The following USP43 variants were observed in gnomAD, a reference collection of about 807,000 sequenced individuals.
USP43 encodes ubiquitin carboxyl-terminal hydrolase 43.
In USP43, 33 loss-of-function variants were observed where a neutral mutation model predicts 90.7. The observed-to-expected ratio is 0.36, with a 90% confidence interval of 0.28 to 0.49. The LOEUF (loss-of-function observed/expected upper bound fraction) is 0.49. USP43 is among the 20% of genes least tolerant of loss of function. The probability of loss-of-function intolerance (pLI) is 0.98; values close to 1 mark genes in which losing one functional copy is unlikely to be tolerated. For synonymous variants in USP43, 598 were observed against 615.8 expected (o/e 0.97, Z 0.43); for missense variants, 1,274 against 1,476.4 (o/e 0.86, Z 2.25).
chr17:9,665,613 T>A (rs111369831), intron 2 of USP43, among the ~76,000 whole-genome samples: 362 of 152,258 alleles, frequency 2.4e-3, no homozygotes, highest in African/African-American at 8.2e-3. Flanking sequence ...CAATTGAAGA[T>A]GAGATTTGGG....
intron 14 of USP43, among the ~76,000 whole-genome samples, chr17:9,721,826 T>C (rs57343172): frequency 0.05 from 7,467 of 149,682 alleles, 298 homozygotes; most frequent in East Asian, 0.21. Context: ...CAGGTTCAAG[T>C]GATTGTCCTG....
chr17:9,671,042 G>A (rs564687266), intron 3 of USP43, among the ~76,000 whole-genome samples: 1 of 152,322 alleles, frequency 6.6e-6, no homozygotes, highest in Admixed American at 6.5e-5. Flanking sequence ...GTAATTGAGA[G>A]ATGGATGTTA....
chr17:9,657,209 A>G (rs1912319333), intron 2 of USP43, among the ~76,000 whole-genome samples: 1 of 152,188 alleles, frequency 6.6e-6, no homozygotes, highest in East Asian at 1.9e-4. Context: ...TCACACTGCT[A>G]TAAAGAAATA....
At chr17:9,688,071 C>T (rs947801771) in intron 8 of USP43, among the ~76,000 whole-genome samples, 1 of 151,944 alleles carries the variant, frequency 6.6e-6, no homozygotes, top group East Asian at 1.9e-4. Flanking sequence ...CTGCAAGCTC[C>T]GCCTCCCGGG....
intron 2 of USP43, among the ~76,000 whole-genome samples, chr17:9,658,841 T>A (rs1008353864): frequency 2.0e-5 from 3 of 152,194 alleles, no homozygotes; most frequent in African/African-American, 7.2e-5. Context: ...CTCTATCCCT[T>A]GTCTCTGGCT....
Position 9,725,699 on chromosome 17 carries a change from G to A in USP43, c.2336-2255G>A, listed in dbSNP as rs575514955. Among the ~76,000 whole-genome samples the A allele has an allele frequency of 7.2e-4, 109 of 152,290 alleles. 1 individual carries two copies. Among genetic ancestry groups the A allele is most frequent in the Non-Finnish European group, 8.8e-5 (6 of 68,024 alleles). Reference sequence around the variant, plus strand: ...GGTTCCCATGAAATGTAGCTCAGGCGTTGATGTCAGCCCTGGCCTCAGAGA... The same window carrying A: ...GGTTCCCATGAAATGTAGCTCAGGCATTGATGTCAGCCCTGGCCTCAGAGA... On this transcript the variant is annotated intron_variant, in intron 14 of 14. Transcript: ENST00000285199.
chr17:9,654,318 G>A (rs1912079088), intron 1 of USP43, among the ~76,000 whole-genome samples: 1 of 152,170 alleles, frequency 6.6e-6, no homozygotes, highest in South Asian at 2.1e-4. Flanking sequence ...ACTAAATCTG[G>A]TAGCCCTACT....
intron 14 of USP43, among the ~76,000 whole-genome samples, chr17:9,721,767 A>G (rs938250846): frequency 4.4e-5 from 6 of 135,078 alleles, no homozygotes; most frequent in Non-Finnish European, 9.2e-5. Flanking sequence ...CTTGTTGCCC[A>G]GGCTGGAGTG....
chr17:9,666,714 C>A lies in USP43; in HGVS notation c.703C>A (p.Gln235Lys). 1 of 1,613,286 alleles carries A rather than the reference C, an allele frequency of 6.2e-7. No homozygotes were observed. Among genetic ancestry groups the A allele is most frequent in the South Asian group, 1.1e-5 (1 of 90,826 alleles). ...LSPSAQLPLG[Q>K]SFVQSHFQAQ... is the part of the protein sequence containing the mutation. ...ACCATCAGCTCAGCTTCCTCTAGGT[C>A]AAAGCTTTGTGCAAAGCCACTTTCA... is the stretch of plus-strand genomic sequence containing the variant. The change falls in exon 3 of 15, where the codon CAA (glutamine) becomes AAA (lysine). Residue 235 changes from glutamine to lysine, a missense_variant. Physicochemically the swap from Gln to Lys is moderately conservative, Grantham distance 53. Coordinates refer to ENST00000285199, the MANE Select transcript of USP43 (RefSeq NM_153210.5).
intron 5 of USP43, among the ~76,000 whole-genome samples, chr17:9,679,007 ATAT>A (rs1913981252): frequency 6.6e-6 from 1 of 152,020 alleles, no homozygotes; most frequent in African/African-American, 2.4e-5. Flanking sequence ...TTTGATTTAG[ATAT>A]TATTGTCCAG....
chr17:9,687,809 A>C (rs1176697457), intron 8 of USP43, among the ~76,000 whole-genome samples: 1 of 152,194 alleles, frequency 6.6e-6, no homozygotes, highest in Non-Finnish European at 1.5e-5. Context: ...CCTTCACTAC[A>C]TTTGTCCCAA....
At chr17:9,687,197 A>G (rs776004363) in intron 8 of USP43, among the ~76,000 whole-genome samples, 1 of 152,212 alleles carries the variant, frequency 6.6e-6, no homozygotes, top group Non-Finnish European at 1.5e-5. Flanking sequence ...TGGCATTTAC[A>G]TTAAAACGAA....
intron 9 of USP43, among the ~76,000 whole-genome samples, chr17:9,695,714 C>A (rs759145247): frequency 1.3e-5 from 2 of 152,168 alleles, no homozygotes; most frequent in Non-Finnish European, 2.9e-5. Context: ...TTGCCACCAT[C>A]CATCTCCAAA....
At chr17:9,680,815 A>G (rs1334825373) in intron 6 of USP43, among the ~76,000 whole-genome samples, 3 of 151,840 alleles carry the variant, frequency 2.0e-5, no homozygotes, top group Admixed American at 6.6e-5. Context: ...AATGTCTACA[A>G]ATTTGAGCAG....
In USP43 at chr17:9,728,188, C is replaced by T. The variant is rs201579647; in HGVS notation, c.2570C>T (p.Ala857Val). The T allele has an allele frequency of 5.8e-4, 929 of 1,613,752 alleles. 3 individuals are homozygous for T. The highest frequency in any genetic ancestry group is 7.5e-4 in the Non-Finnish European group (889 of 1,179,876). Residue 857 changes from alanine (A) to valine (V), a missense_variant, in exon 15 of 15, where the codon GCG becomes GTG. Transcript: ENST00000285199. The surrounding 1 kb of genome is among the most constrained non-coding windows in gnomAD (Gnocchi z 6.2). ...ATTGTGTCGCTGTTGACGGGCACTG[C>T]GGGTGAGGATGAGAAGTCAGCATCG... ...QSIVSLLTGTAGEDEKSASPR... is the reference protein window; with the variant it reads ...QSIVSLLTGTVGEDEKSASPR...
chr17:9,685,834 C>T (rs1914570464), intron 7 of USP43, among the ~76,000 whole-genome samples: 1 of 152,156 alleles, frequency 6.6e-6, no homozygotes, highest in South Asian at 2.1e-4. Flanking sequence ...AAATCCTATC[C>T]TCTAGCTATT....
intron 2 of USP43, among the ~76,000 whole-genome samples, chr17:9,657,203 A>G (rs918348811): frequency 2.6e-5 from 4 of 152,184 alleles, no homozygotes; most frequent in African/African-American, 9.7e-5. Flanking sequence ...CCATTCTCAC[A>G]CTGCTATAAA....
chr17:9,673,653 G>T (rs73255760), intron 3 of USP43, among the ~76,000 whole-genome samples: 4,187 of 152,272 alleles, frequency 0.027, 152 homozygotes, highest in African/African-American at 0.084. Context: ...CGACTTCTAC[G>T]AAAGAACGCA....
chr17:9,667,660 A>G (rs544313839), intron 3 of USP43, among the ~76,000 whole-genome samples: 2 of 152,320 alleles, frequency 1.3e-5, no homozygotes, highest in East Asian at 1.9e-4. Flanking sequence ...GTAGGAAGAT[A>G]GTCAACAGGA....
Sources: gnomAD v4.1 joint callset for allele counts (sites outside exome capture counted in the v4.1 genomes callset) on GRCh38, gnomAD v4.1.1 for gene constraint, Gnocchi (gnomAD v3.1) non-coding constraint, MANE v1.5 for transcripts, NCBI Gene and HGNC (gene_info 2026-07-23, HGNC 2026-07-21) for gene names.